The following ZNF99 variants were observed in gnomAD, a reference collection of about 807,000 sequenced individuals.
ZNF99 encodes the protein zinc finger protein 99.
ZNF99 carries 8 observed loss-of-function variants against 12.8 expected under a neutral mutation model. That is an observed-to-expected ratio of 0.62 (90% CI 0.37 to 1.13). ZNF99 has a LOEUF of 1.13. Among genes scored for constraint, ZNF99 ranks in the 50% most tolerant of loss-of-function variants. The pLI is 0.02. For missense variants in ZNF99, 1,007 were observed against 1,006.2 expected (o/e 1.00, Z -0.01); for synonymous variants, 318 against 319.0 (o/e 1.00, Z 0.03).
intron 1 of ZNF99, among the ~76,000 whole-genome samples, chr19:22,777,135 G>C (rs1463084862): frequency 6.6e-6 from 1 of 152,138 alleles, no homozygotes; most frequent in Non-Finnish European, 1.5e-5. Flanking sequence ...CTGGGTGACA[G>C]AGACCCATTT....
intron 1 of ZNF99, among the ~76,000 whole-genome samples, chr19:22,771,918 A>G (rs370244567): frequency 2.7e-5 from 4 of 148,348 alleles, no homozygotes; most frequent in Non-Finnish European, 4.5e-5. Context: ...GGGTTTCACC[A>G]TATTGGCCAG....
At chr19:22,774,712 A>G (rs1261499171) in intron 1 of ZNF99, among the ~76,000 whole-genome samples, 1 of 152,152 alleles carries the variant, frequency 6.6e-6, no homozygotes, top group Non-Finnish European at 1.5e-5. Flanking sequence ...TCTACTAAAA[A>G]TACAAAAATG....
In ZNF99 at chr19:22,755,782, T is replaced by C. The variant is rs72481626; in HGVS notation, c.*1532A>G. The C allele has an allele frequency of 1.2e-3, 403 of 326,920 alleles. 5 individuals carry two copies. The East Asian group carries it at 0.029, about 24-fold the overall frequency. 20.3% of individuals were successfully genotyped at this position (326,920 alleles called of 1,614,324 possible). A position where few individuals can be genotyped will look rare whatever the true frequency, so the allele number is the denominator to read the frequency against. ...AAAAGCTTTGCCACATTCCTCACAT[T>C]TGAAGGGTTTATCTTCAGTATGAAT... On this transcript the variant is annotated 3_prime_UTR_variant, in exon 4 of 4. Transcript: ENST00000596209.
intron 1 of ZNF99, among the ~76,000 whole-genome samples, chr19:22,776,442 T>G (rs1163598592): frequency 3.1e-4 from 13 of 42,512 alleles, no homozygotes; most frequent in African/African-American, 1.4e-3. Flanking sequence ...TATATATATA[T>G]ATATATATAT....
rs1972985965 is a variant in ZNF99, at chr19:22,752,730, A to G, written c.*4584T>C. ...ACTTAACATGTCAAAAAATGTTTAA[A>G]AAATTAAGTTTACATATAATCTAAA... On this transcript the variant is annotated 3_prime_UTR_variant, in exon 4 of 4. Coordinates refer to ENST00000596209, the MANE Select transcript of ZNF99 (RefSeq NM_001080409.3). 6.6e-6 allele frequency: 1 copy of G among 152,194 alleles called. No homozygotes were observed. The highest frequency in any genetic ancestry group is 1.5e-5 in the Non-Finnish European group (1 of 68,010). The allele number at this position is 152,194 out of a possible 1,614,324, so 9.4% of individuals were successfully genotyped here.
chr19:22,774,161 C>T (rs1216094624), intron 1 of ZNF99: 1 of 152,322 alleles, frequency 6.6e-6, no homozygotes, highest in Non-Finnish European at 1.5e-5. Context: ...GAAGTTAAAA[C>T]CATCTTAGGT....
In ZNF99 at chr19:22,757,493, T is replaced by A; in HGVS notation, c.2416A>T (p.Lys806Ter). The A allele has an allele frequency of 7.4e-6, 12 of 1,611,202 alleles. No individual in the cohort carries two copies. The highest frequency in any genetic ancestry group is 1.0e-5 in the Non-Finnish European group (12 of 1,179,614). The change falls in exon 4 of 4, where the codon AAA becomes TAA. Residue 806 changes from lysine (K) to a stop codon, truncating the protein, a stop_gained. Transcript: ENST00000596209. LOFTEE classifies it low-confidence loss of function (END_TRUNC). ...KAFNNSSTLR[K>*]HEIIHTGEKS... is the part of the protein sequence containing the mutation. ...TCTCCAGTATGAATTATCTCATGTT[T>A]TCTAAGGGTTGAGGAATTGTTAAAA...
In ZNF99 at chr19:22,754,236, A is replaced by C; in HGVS notation, c.*3078T>G. 2.3e-6 allele frequency: 1 copy of C among 440,638 alleles called. No homozygotes were observed. Among genetic ancestry groups the C allele is most frequent in the East Asian group, 7.1e-5 (1 of 14,146 alleles). 27.3% of individuals were successfully genotyped at this position (440,638 alleles called of 1,614,324 possible). Reference sequence around the variant, plus strand: ...ACAAAAATTAGCTGGGCGTGGTGGCAGGCGCCTGCAATCCCAGCTGCTTGG... The same window carrying C: ...ACAAAAATTAGCTGGGCGTGGTGGCCGGCGCCTGCAATCCCAGCTGCTTGG... On this transcript the variant is annotated 3_prime_UTR_variant, in exon 4 of 4. Transcript: ENST00000596209.
chr19:22,757,458 G>C lies in ZNF99; in HGVS notation c.2451C>G (p.Tyr817Ter). 6.2e-7 allele frequency: 1 copy of C among 1,610,020 alleles called. No individual in the cohort carries two copies. Among genetic ancestry groups the C allele is most frequent in the Non-Finnish European group, 8.5e-7 (1 of 1,179,484 alleles). Residue 817 changes from tyrosine to a stop codon, truncating the protein, a stop_gained, in exon 4 of 4, where the codon TAC becomes TAG. Transcript: ENST00000596209. LOFTEE classifies it low-confidence loss of function (END_TRUNC). ...HEIIHTGEKS[Y>*]KCEECGKAFQ... ...AAGCTTTACCACATTCTTCACATTT[G>C]TAGGATTTCTCTCCAGTATGAATTA...
rs1476672529 is a variant in ZNF99 at position 22,757,659 on chromosome 19, TACA to T, written c.2247_2249del (p.Val750del). 7 of 1,611,842 alleles carry T rather than the reference TACA, an allele frequency of 4.3e-6. No individual in the cohort carries two copies. In the African/African-American group the frequency reaches 9.4e-5, roughly 22 times the overall value. ...TCTCTGCAGTATGAATTACCTTATG[TACA>T]GTAAGTTTTGAGGACCACTTAAAAG... On this transcript the variant is annotated inframe_deletion, in exon 4 of 4. Coordinates refer to ENST00000596209, the MANE Select transcript of ZNF99 (RefSeq NM_001080409.3).
chr19:22,758,313 A>G lies in ZNF99; in HGVS notation c.1596T>C (p.Thr532=), dbSNP rs1217629163. The G allele has an allele frequency of 6.2e-7, 1 of 1,612,954 alleles. No individual in the cohort carries two copies. The highest frequency in any genetic ancestry group is 8.5e-7 in the Non-Finnish European group (1 of 1,179,484). Reference sequence around the variant, plus strand: ...CTTCACATTTGTAGGGTTTCTTTCCAGTATGAATTATCTTATGTTTTCTAA... The same window carrying G: ...CTTCACATTTGTAGGGTTTCTTTCCGGTATGAATTATCTTATGTTTTCTAA... ...SALRKHKIIH[T]GKKPYKCEEC... is the part of the protein sequence containing the mutation. Residue 532 remains threonine (T), a synonymous_variant, in exon 4 of 4, where the codon ACT becomes ACC. Transcript: ENST00000596209.
chr19:22,766,622 C>T (rs573012214), intron 3 of ZNF99, among the ~76,000 whole-genome samples: 1 of 150,540 alleles, frequency 6.6e-6, no homozygotes, highest in South Asian at 2.1e-4. Flanking sequence ...CAGGCATGAG[C>T]CACCGTGCCC....
chr19:22,766,930 C>A (rs1377625488), intron 3 of ZNF99, among the ~76,000 whole-genome samples: 1 of 151,906 alleles, frequency 6.6e-6, no homozygotes, highest in Non-Finnish European at 1.5e-5. Flanking sequence ...GAATTACAGG[C>A]GTGAGACACC....
chr19:22,759,486 C>G lies in ZNF99; in HGVS notation c.423G>C (p.Gln141His), dbSNP rs757695947. ...ATTTGTTACACTGAAATATTTTTCC[C>G]TGGGTAGTTGTCCAACATTGGTTAA... The part of the protein sequence containing the change: ...NKLNQCWTTT[Q>H]GKIFQCNKYV... The change falls in exon 4 of 4, where the codon CAG becomes CAC. Residue 141 changes from glutamine to histidine, a missense_variant. By Grantham distance (24) the Gln-to-His change is conservative (BLOSUM62 0). Coordinates refer to ENST00000596209, the MANE Select transcript of ZNF99 (RefSeq NM_001080409.3). 1 of 1,606,286 alleles carries G rather than the reference C, an allele frequency of 6.2e-7. No homozygotes were observed. The highest frequency in any genetic ancestry group is 8.5e-7 in the Non-Finnish European group (1 of 1,177,356).
chr19:22,752,894 T>C lies in ZNF99; in HGVS notation c.*4420A>G, dbSNP rs1972989313. ...TATATTCCTCAGAACACCTACCTCATACATCACTCAATATTTTAAGTTAAC... is the reference window on the plus strand; with the variant it reads ...TATATTCCTCAGAACACCTACCTCACACATCACTCAATATTTTAAGTTAAC... On this transcript the variant is annotated 3_prime_UTR_variant, in exon 4 of 4. Coordinates refer to ENST00000596209, the MANE Select transcript of ZNF99 (RefSeq NM_001080409.3). 6.6e-6 allele frequency: 1 copy of C among 152,146 alleles called. No individual in the cohort carries two copies. The highest frequency in any genetic ancestry group is 6.5e-5 in the Admixed American group (1 of 15,284). 9.4% of individuals were successfully genotyped at this position (152,146 alleles called of 1,614,324 possible). A position where few individuals can be genotyped will look rare whatever the true frequency, so the allele number is the denominator to read the frequency against.
rs1973027182 is a variant in ZNF99 at position 22,754,917 on chromosome 19, A to G, written c.*2397T>C. 5.8e-6 allele frequency: 1 copy of G among 173,876 alleles called. No homozygotes were observed. The highest frequency in any genetic ancestry group is 2.4e-5 in the African/African-American group (1 of 41,530). 10.8% of individuals were successfully genotyped at this position (173,876 alleles called of 1,614,324 possible). A position where few individuals can be genotyped will look rare whatever the true frequency, so the allele number is the denominator to read the frequency against. On this transcript the variant is annotated 3_prime_UTR_variant, in exon 4 of 4. Transcript: ENST00000596209. ...AAACCCCGTCTCTACTAAAAATACA[A>G]AATTAGGTGGGCGTGGTGGCACATG...
intron 1 of ZNF99, among the ~76,000 whole-genome samples, chr19:22,780,613 C>A (rs1973376711): frequency 6.6e-6 from 1 of 151,938 alleles, no homozygotes; most frequent in African/African-American, 2.4e-5. Flanking sequence ...ATCACTTGAA[C>A]CCGGGAGGCA....
In ZNF99 at chr19:22,756,996, G is replaced by A. The variant is rs952432987; in HGVS notation, c.*318C>T. On this transcript the variant is annotated 3_prime_UTR_variant, in exon 4 of 4. Transcript: ENST00000596209. ...GTATGAATTATCTTATGTTTCCTAAGGGCTGAGAAATTGCTAAAAGCTTTG... is the reference window on the plus strand; with the variant it reads ...GTATGAATTATCTTATGTTTCCTAAAGGCTGAGAAATTGCTAAAAGCTTTG... 1.2e-6 allele frequency: 2 copies of A among 1,612,450 alleles called. No individual in the cohort carries two copies. Among genetic ancestry groups the A allele is most frequent in the African/African-American group, 2.7e-5 (2 of 74,790 alleles).
chr19:22,756,767 C>T lies in ZNF99; in HGVS notation c.*547G>A, dbSNP rs776131326. 7 of 1,610,952 alleles carry T rather than the reference C, an allele frequency of 4.3e-6. No individual in the cohort carries two copies. The highest frequency in any genetic ancestry group is 1.4e-5 in the African/African-American group (1 of 73,840). On this transcript the variant is annotated 3_prime_UTR_variant, in exon 4 of 4. Transcript: ENST00000596209. ...ATAAGGGTTGAGGAATTGTTAAAAG[C>T]TTTGCCACATTCTTCACATTTGTAG...
Sources: allele counts gnomAD v4.1 joint callset (sites outside exome capture counted in the v4.1 genomes callset), GRCh38; gene constraint gnomAD v4.1.1; transcripts MANE v1.5; gene names NCBI Gene and HGNC (gene_info 2026-07-23, HGNC 2026-07-21).